TEX11: variants seen among roughly 807,000 people sequenced by gnomAD.
The protein encoded by TEX11 is testis-expressed protein 11.
A neutral mutation model predicts 84.4 loss-of-function variants in TEX11; 7 were observed. The observed-to-expected ratio is 0.08, with a 90% confidence interval of 0.05 to 0.16. TEX11 has a LOEUF of 0.16. Ranked by LOEUF, TEX11 falls within the 10% of genes least tolerant of loss-of-function variation. The pLI is 1.00. For missense variants in TEX11, 551 were observed against 660.5 expected, an observed-to-expected ratio of 0.83 and a Z score of 1.82; for synonymous variants, 264 against 222.8, an observed-to-expected ratio of 1.18 and a Z score of -1.64.
chrX:70,825,363 T>A (rs1317597349), intron 8 of TEX11, among the ~76,000 whole-genome samples: 2 of 108,352 alleles, frequency 1.8e-5, no homozygotes, highest in African/African-American at 3.3e-5. Flanking sequence ...ATATATATAT[T>A]GTTCAATAAA....
At chrX:70,780,067 G>C (rs1366609152) in intron 9 of TEX11, among the ~76,000 whole-genome samples, 1 of 111,334 alleles carries the variant, frequency 9.0e-6, no homozygotes, top group Non-Finnish European at 1.9e-5. Flanking sequence ...AGGAGTTTGA[G>C]ACCAGCAACC....
chrX:70,722,648 T>C lies in TEX11; in HGVS notation c.974A>G (p.Asn325Ser). ...HLDMPLDFCL[N>S]IAKLLMDHER... is the part of the protein sequence containing the mutation. ...ATGATCCATCAGCAGTTTAGCAATG[T>C]TCAGACAGAAGTCTAAGGGCATGTC... The change falls in exon 13 of 30, where the codon AAC (asparagine) becomes AGC (serine). Residue 325 changes from asparagine (N) to serine (S), a missense_variant. Asn to Ser is a conservative substitution (Grantham distance 46). Transcript: ENST00000374333. The C allele has an allele frequency of 8.3e-7, 1 of 1,207,784 alleles. No individual in the cohort carries two copies. The highest frequency in any genetic ancestry group is 1.7e-5 in the African/African-American group (1 of 57,727).
intron 7 of TEX11, among the ~76,000 whole-genome samples, chrX:70,845,411 C>G (rs1205754894): frequency 1.8e-5 from 2 of 110,784 alleles, no homozygotes; most frequent in African/African-American, 6.5e-5. Context: ...ATCCGCCCGC[C>G]TCGGCCTCCC....
At chrX:70,569,410 A>G (rs2088551776) in intron 25 of TEX11, among the ~76,000 whole-genome samples, 2 of 112,134 alleles carry the variant, frequency 1.8e-5, no homozygotes, top group African/African-American at 6.5e-5. Flanking sequence ...TCACCTCGTC[A>G]AAGTCCTTCT....
At position 70,777,180 on chromosome X, in the gene TEX11, T is replaced by C. The variant is rs772856885; in HGVS notation, c.692+29525A>G. ...GCCAGGAGCCACCATGCCCAGCTTA[T>C]GTTCAATTTGTTTAAAATTCAAAGA... On this transcript the variant is annotated intron_variant, in intron 9 of 29. Coordinates refer to ENST00000374333, the MANE Select transcript of TEX11 (RefSeq NM_031276.3). 1.8e-3 allele frequency among the ~76,000 whole-genome samples: 193 copies of C among 109,325 alleles called. 2 individuals are homozygous for C. The highest frequency in any genetic ancestry group is 6.1e-3 in the African/African-American group (185 of 30,210). 94.9% of individuals were successfully genotyped at this position (109,325 alleles called of 115,157 possible).
intron 13 of TEX11, among the ~76,000 whole-genome samples, chrX:70,692,201 C>A: frequency 9.0e-6 from 1 of 111,713 alleles, no homozygotes; most frequent in Non-Finnish European, 1.9e-5. Flanking sequence ...GATATCACCA[C>A]AATCAATGTA....
intron 2 of TEX11, among the ~76,000 whole-genome samples, chrX:70,901,537 A>C (rs2091803348): frequency 8.9e-6 from 1 of 111,961 alleles, no homozygotes; most frequent in Admixed American, 9.5e-5. Context: ...GTTCTACCTC[A>C]GATCAACAGG....
At chrX:70,635,215 C>T (rs937107382) in intron 17 of TEX11, among the ~76,000 whole-genome samples, 2 of 111,795 alleles carry the variant, frequency 1.8e-5, no homozygotes, top group African/African-American at 6.5e-5. Flanking sequence ...CCCATGTCAC[C>T]CCTCCCCCAA....
At chrX:70,789,416 ACCCTG>A (rs1253943113) in intron 9 of TEX11, among the ~76,000 whole-genome samples, 8 of 111,110 alleles carry the variant, frequency 7.2e-5, no homozygotes, top group African/African-American at 2.3e-4. Flanking sequence ...ACATGGCAAA[ACCCTG>A]TCTCTACTAA....
In TEX11 at chrX:70,724,162, A is replaced by G. The variant is rs16991251; in HGVS notation, c.925+1100T>C. On this transcript the variant is annotated intron_variant, in intron 12 of 29. Coordinates refer to ENST00000374333, the MANE Select transcript of TEX11 (RefSeq NM_031276.3). ...CTCCAATCATCTCTCTGGTCTTCCT[A>G]TGTTGTCTTAGTTGGAGTAAGTGTA... 6.4e-3 allele frequency: 4,786 copies of G among 750,907 alleles called. 148 individuals are homozygous for G. In the African/African-American group the frequency reaches 0.097, roughly 15 times the overall value. The allele number at this position is 750,907 out of a possible 1,213,427, so 61.9% of individuals were successfully genotyped here. A position where few individuals can be genotyped will look rare whatever the true frequency, so the allele number is the denominator to read the frequency against.
At chrX:70,665,682 C>A (rs2089970258) in intron 16 of TEX11, among the ~76,000 whole-genome samples, 1 of 111,910 alleles carries the variant, frequency 8.9e-6, no homozygotes, top group Non-Finnish European at 1.9e-5. Context: ...AATCTGTAAC[C>A]TAATCTACTA....
chrX:70,772,862 C>A (rs1256653808), intron 9 of TEX11, among the ~76,000 whole-genome samples: 1 of 110,597 alleles, frequency 9.0e-6, no homozygotes, highest in Non-Finnish European at 1.9e-5. Context: ...AACGGCCATA[C>A]AGAGAGCTTC....
intron 20 of TEX11, among the ~76,000 whole-genome samples, chrX:70,619,747 T>G (rs1033980993): frequency 9.0e-6 from 1 of 111,500 alleles, no homozygotes; most frequent in South Asian, 3.8e-4. Context: ...TGGGAGACAA[T>G]TTCATGATAT....
chrX:70,608,960 A>G (rs1379929879), intron 22 of TEX11, 131 bp downstream of exon 22: 1 of 470,792 alleles, frequency 2.1e-6, no homozygotes, highest in Non-Finnish European at 3.5e-6. Context: ...TCCATTTTAT[A>G]AGTAATAAAA....
At chrX:70,588,961 A>G (rs1266871871) in intron 25 of TEX11, among the ~76,000 whole-genome samples, 1 of 109,309 alleles carries the variant, frequency 9.1e-6, no homozygotes, top group African/African-American at 3.3e-5. Flanking sequence ...AGAAATATCT[A>G]GAATAGGCAA....
At chrX:70,798,716 G>T (rs1189261548) in intron 9 of TEX11, among the ~76,000 whole-genome samples, 1 of 111,951 alleles carries the variant, frequency 8.9e-6, no homozygotes, top group African/African-American at 3.2e-5. Flanking sequence ...GATCAACAAA[G>T]TTGCCAAGAA....
At position 70,529,078 on chromosome X, in the gene TEX11, T is replaced by G; in HGVS notation, c.*17A>C. On this transcript the variant is annotated 3_prime_UTR_variant, in exon 30 of 30. Coordinates refer to ENST00000374333, the MANE Select transcript of TEX11 (RefSeq NM_031276.3). ...ATCTCGGGACAATGTATCTTCTTCA[T>G]GTGGCCATGAGCTTGCCTAATCTGA... The G allele has an allele frequency of 8.5e-7, 1 of 1,179,775 alleles. No homozygotes were observed. Among genetic ancestry groups the G allele is most frequent in the Non-Finnish European group, 1.2e-6 (1 of 868,215 alleles).
rs190642712 is a variant in TEX11 at position 70,715,082 on chromosome X, G to A, written c.1004+7536C>T. On this transcript the variant is annotated intron_variant, in intron 13 of 29. Transcript: ENST00000374333. ...AGTTTGGCTGGACATGAAATTCTGG[G>A]TTGAAAATTCTTTTCTTTAAGAATG... 5.4e-3 allele frequency among the ~76,000 whole-genome samples: 600 copies of A among 111,449 alleles called. 3 individuals carry two copies. Among genetic ancestry groups the A allele is most frequent in the African/African-American group, 0.019 (585 of 30,458 alleles).
intron 13 of TEX11, among the ~76,000 whole-genome samples, chrX:70,690,139 C>G (rs1053835284): frequency 1.8e-5 from 2 of 110,845 alleles, no homozygotes; most frequent in Non-Finnish European, 3.8e-5. Flanking sequence ...CAAATGAAGT[C>G]CAAGGAGATA....
Sources: allele counts gnomAD v4.1 joint callset (sites outside exome capture counted in the v4.1 genomes callset), GRCh38; gene constraint gnomAD v4.1.1; transcripts MANE v1.5; gene names NCBI Gene and HGNC (gene_info 2026-07-23, HGNC 2026-07-21).